Variants in EPHA6 observed in about 807,000 individuals in gnomAD.
EPHA6 encodes the protein ephrin type-A receptor 6.
EPHA6 carries 50 observed loss-of-function variants against 112.0 expected under a neutral mutation model. That is an observed-to-expected ratio of 0.45 (90% CI 0.36 to 0.56). The LOEUF (loss-of-function observed/expected upper bound fraction) is 0.56. EPHA6 is among the 20% of genes least tolerant of loss of function. The pLI is 0.00. For synonymous variants in EPHA6, 529 were observed against 490.7 expected, an observed-to-expected ratio of 1.08 and a Z score of -1.03; for missense variants, 1,280 against 1,417.4, an observed-to-expected ratio of 0.90 and a Z score of 1.56.
At chr3:97,366,280 G>A (rs1239222166) in intron 5 of EPHA6, among the ~76,000 whole-genome samples, 1 of 152,044 alleles carries the variant, frequency 6.6e-6, no homozygotes, top group Non-Finnish European at 1.5e-5. Context: ...AAAGCAATAT[G>A]TTGGGTGGAA....
At chr3:97,359,184 A>G (rs2084236738) in intron 5 of EPHA6, among the ~76,000 whole-genome samples, 1 of 151,698 alleles carries the variant, frequency 6.6e-6, no homozygotes, top group Admixed American at 6.6e-5. Context: ...TCTACATTGC[A>G]TATACTGATC....
At chr3:96,976,278 T>C (rs2107800045) in intron 2 of EPHA6, among the ~76,000 whole-genome samples, 1 of 152,290 alleles carries the variant, frequency 6.6e-6, no homozygotes, top group African/African-American at 2.4e-5. Context: ...TATAATTCTT[T>C]ATTGTTCAAG....
chr3:97,659,872 G>A (rs1168018572), intron 14 of EPHA6, among the ~76,000 whole-genome samples: 1 of 151,964 alleles, frequency 6.6e-6, no homozygotes, highest in Non-Finnish European at 1.5e-5. Context: ...ATTTGTTCAA[G>A]TAAGAGCCTC....
At chr3:96,822,808 T>C (rs1163358910) in intron 1 of EPHA6, among the ~76,000 whole-genome samples, 1 of 151,210 alleles carries the variant, frequency 6.6e-6, no homozygotes, top group African/African-American at 2.4e-5. Flanking sequence ...TTGAGCTACA[T>C]GAGTGTTGCA....
chr3:97,194,541 C>T (rs1576659681), intron 3 of EPHA6, among the ~76,000 whole-genome samples: 1 of 145,982 alleles, frequency 6.9e-6, no homozygotes, highest in African/African-American at 2.6e-5. Flanking sequence ...TGTGTATTTG[C>T]AGCCATTAGA....
intron 14 of EPHA6, among the ~76,000 whole-genome samples, chr3:97,672,090 T>C (rs931744836): frequency 1.1e-4 from 16 of 152,340 alleles, no homozygotes; most frequent in Middle Eastern, 3.4e-3. Flanking sequence ...TCAAAGAATC[T>C]AGTTAAATCC....
chr3:97,336,933 CGCT>C (rs980799365), intron 5 of EPHA6, among the ~76,000 whole-genome samples: 47 of 150,698 alleles, frequency 3.1e-4, no homozygotes, highest in African/African-American at 1.1e-3. Flanking sequence ...TCTGGGATGC[CGCT>C]AAGTTGAACA....
chr3:97,423,501 G>T (rs1035661504), intron 6 of EPHA6, among the ~76,000 whole-genome samples: 2 of 151,994 alleles, frequency 1.3e-5, no homozygotes, highest in South Asian at 4.1e-4. Context: ...AAAAATTACA[G>T]ACAACACATA....
chr3:96,856,748 G>C (rs1445223585), intron 1 of EPHA6, among the ~76,000 whole-genome samples: 1 of 151,928 alleles, frequency 6.6e-6, no homozygotes, highest in Non-Finnish European at 1.5e-5. Context: ...AGTAAAACAG[G>C]GTCACTCCTT....
chr3:97,041,792 A>G (rs1253517924), intron 3 of EPHA6, among the ~76,000 whole-genome samples: 2 of 152,050 alleles, frequency 1.3e-5, no homozygotes, highest in Non-Finnish European at 2.9e-5. Flanking sequence ...AGAGAGAGTG[A>G]AGGGAGAGGG....
chr3:97,727,623 C>T (rs371010857), intron 15 of EPHA6, among the ~76,000 whole-genome samples: 8 of 152,032 alleles, frequency 5.3e-5, no homozygotes, highest in African/African-American at 1.9e-4. Context: ...TAAGACACTA[C>T]AGCAAATTGC....
At chr3:97,473,540 A>T (rs2091286731) in intron 7 of EPHA6, among the ~76,000 whole-genome samples, 2 of 151,864 alleles carry the variant, frequency 1.3e-5, no homozygotes, top group African/African-American at 4.8e-5. Flanking sequence ...AACTACTATG[A>T]AACTATATGC....
At chr3:97,288,613 G>A (rs182229093) in intron 5 of EPHA6, among the ~76,000 whole-genome samples, 1 of 152,056 alleles carries the variant, frequency 6.6e-6, no homozygotes, top group African/African-American at 2.4e-5. Context: ...AGATTGCTGG[G>A]TCAGATGGTA....
At chr3:97,010,155 T>C in intron 3 of EPHA6, 1 of 1,150,912 alleles carries the variant, frequency 8.7e-7, no homozygotes, top group South Asian at 1.4e-5. Context: ...TTTTATTTTG[T>C]TGTGTTTTCA....
At chr3:96,923,921 T>G (rs568620762) in intron 2 of EPHA6, among the ~76,000 whole-genome samples, 4 of 152,210 alleles carry the variant, frequency 2.6e-5, no homozygotes, top group South Asian at 4.1e-4. Context: ...TCGGGTTTGT[T>G]GAAGATTCGA....
At chr3:97,013,412 C>CT (rs2044158247) in intron 3 of EPHA6, among the ~76,000 whole-genome samples, 1 of 151,976 alleles carries the variant, frequency 6.6e-6, no homozygotes. Context: ...GTTTTTCTCC[C>CT]TACATCTATA....
At chr3:97,448,501 G>C (rs967881509) in intron 6 of EPHA6, 67 bp from the exon 7 acceptor site, 1 of 1,522,168 alleles carries the variant, frequency 6.6e-7, no homozygotes. Flanking sequence ...TTAAACTTTG[G>C]AATGTTTCTA....
At chr3:97,484,402 TA>T (rs1560057655) in intron 10 of EPHA6, among the ~76,000 whole-genome samples, 1 of 152,204 alleles carries the variant, frequency 6.6e-6, no homozygotes, top group East Asian at 1.9e-4. Flanking sequence ...TAATAGTATT[TA>T]AAATGATGAC....
intron 14 of EPHA6, among the ~76,000 whole-genome samples, chr3:97,672,826 G>C (rs1199634679): frequency 6.6e-6 from 1 of 152,124 alleles, no homozygotes; most frequent in African/African-American, 2.4e-5. Flanking sequence ...TTTATTCCTT[G>C]CTCTAAAAAG....
Sources: gnomAD v4.1 joint callset for allele counts (sites outside exome capture counted in the v4.1 genomes callset) on GRCh38, gnomAD v4.1.1 for gene constraint, MANE v1.5 for transcripts, NCBI Gene and HGNC (gene_info 2026-07-23, HGNC 2026-07-21) for gene names.